CD247: variants seen among roughly 807,000 people sequenced by gnomAD.
The protein encoded by CD247 is T-cell surface glycoprotein CD3 zeta chain.
In CD247, 13 loss-of-function variants were observed where a neutral mutation model predicts 30.0. That is an observed-to-expected ratio of 0.43 (90% CI 0.28 to 0.69). The LOEUF (loss-of-function observed/expected upper bound fraction) is 0.69. Ranked by LOEUF, CD247 falls within the 30% of genes least tolerant of loss-of-function variation. CD247 has a pLI of 0.16. For missense variants in CD247, 193 were observed against 212.6 expected, an observed-to-expected ratio of 0.91 and a Z score of 0.57; for synonymous variants, 72 against 80.0, an observed-to-expected ratio of 0.90 and a Z score of 0.53.
chr1:167,434,415 C>A, intron 5 of CD247: 1 of 400,906 alleles, frequency 2.5e-6, no homozygotes, highest in Non-Finnish European at 4.7e-6. Context: ...GCCCCAGAAT[C>A]ATTTATCTGA....
intron 1 of CD247, among the ~76,000 whole-genome samples, chr1:167,505,932 T>C (rs1655094875): frequency 6.6e-6 from 1 of 152,180 alleles, no homozygotes; most frequent in Admixed American, 6.5e-5. Flanking sequence ...GCTCCAGAAG[T>C]GCCATTTACT....
chr1:167,486,069 G>A (rs756849004), intron 1 of CD247, among the ~76,000 whole-genome samples: 1 of 152,310 alleles, frequency 6.6e-6, no homozygotes, highest in Admixed American at 6.5e-5. Context: ...ACCATGCTCC[G>A]AGGGGCAGGT....
rs1008260228 is a variant in CD247, at chr1:167,439,592, C to A, written c.163-192G>T. ...AGCCCCTTTTTCTGAGCCCAGTTGT[C>A]CTTTTTCCTCCCGCCTGTGACACGT... is the stretch of plus-strand genomic sequence containing the variant. On this transcript the variant is annotated intron_variant, in intron 2 of 7. Coordinates refer to ENST00000362089, the MANE Select transcript of CD247 (RefSeq NM_198053.3). The A allele has an allele frequency of 2.0e-5, 12 of 603,824 alleles. No homozygotes were observed. The East Asian group carries it at 3.3e-4, about 17-fold the overall frequency. 37.4% of individuals were successfully genotyped at this position (603,824 alleles called of 1,614,324 possible).
At chr1:167,449,005 T>C (rs937363886) in intron 1 of CD247, among the ~76,000 whole-genome samples, 1 of 152,160 alleles carries the variant, frequency 6.6e-6, no homozygotes, top group Non-Finnish European at 1.5e-5. Flanking sequence ...TTCCCATAGA[T>C]AAGGGTTCCA....
intron 1 of CD247, among the ~76,000 whole-genome samples, chr1:167,518,001 A>G (rs1209148759): frequency 6.6e-6 from 1 of 152,182 alleles, no homozygotes; most frequent in African/African-American, 2.4e-5. Flanking sequence ...CAGAGGGTGA[A>G]AGAAGCTGAA....
chr1:167,460,697 G>A (rs192815384), intron 1 of CD247, among the ~76,000 whole-genome samples: 7 of 152,248 alleles, frequency 4.6e-5, no homozygotes, highest in South Asian at 2.1e-4. Context: ...CTATCAAGTC[G>A]TCATTTACAT....
chr1:167,498,942 C>T (rs967571371), intron 1 of CD247, among the ~76,000 whole-genome samples: 11 of 152,144 alleles, frequency 7.2e-5, no homozygotes, highest in Admixed American at 2.6e-4. Context: ...AAAAGCCATG[C>T]GCACACGGGG....
intron 1 of CD247, among the ~76,000 whole-genome samples, chr1:167,475,439 C>G (rs940348641): frequency 6.6e-6 from 1 of 151,940 alleles, no homozygotes; most frequent in Admixed American, 6.6e-5. Context: ...ATCAGGGTAA[C>G]CAAATAGTTA....
At chr1:167,437,405 CA>C (rs11457214) in intron 4 of CD247, among the ~76,000 whole-genome samples, 11 of 146,646 alleles carry the variant, frequency 7.5e-5, no homozygotes, top group Admixed American at 2.0e-4. Context: ...AACGCTGTCT[CA>C]AAAAAAAAAA....
intron 1 of CD247, among the ~76,000 whole-genome samples, chr1:167,469,765 A>G (rs1405664940): frequency 1.3e-5 from 2 of 152,048 alleles, no homozygotes; most frequent in African/African-American, 4.8e-5. Context: ...TTGGCCTCCT[A>G]TGGTCACTGG....
chr1:167,462,904 C>T (rs1454480836), intron 1 of CD247, among the ~76,000 whole-genome samples: 3 of 152,192 alleles, frequency 2.0e-5, no homozygotes, highest in Non-Finnish European at 4.4e-5. Context: ...TCCCTCCCAC[C>T]AGCCTTATTT....
chr1:167,495,695 T>C lies in CD247; in HGVS notation c.58+22713A>G, dbSNP rs193121051. ...CCAAACCCCCAGAACTCAATACGTC[T>C]GACCTCACCTCCTACTGGCCTTCCC... On this transcript the variant is annotated intron_variant, in intron 1 of 7. Transcript: ENST00000362089. Among the ~76,000 whole-genome samples the C allele has an allele frequency of 2.6e-3, 400 of 151,568 alleles. 2 individuals carry two copies. The highest frequency in any genetic ancestry group is 4.4e-3 in the Non-Finnish European group (300 of 68,026).
At chr1:167,439,247 AC>A in intron 3 of CD247, 96 bp downstream of exon 3, 1 of 1,121,534 alleles carries the variant, frequency 8.9e-7, no homozygotes, top group Non-Finnish European at 1.4e-6. Flanking sequence ...ATAGCTAGGG[AC>A]CAAACCTAAA....
chr1:167,510,507 C>A (rs530373213), intron 1 of CD247, among the ~76,000 whole-genome samples: 26 of 152,328 alleles, frequency 1.7e-4, no homozygotes, highest in African/African-American at 5.8e-4. Context: ...CTTCTCCCTG[C>A]AGCAGGCAGC....
intron 4 of CD247, among the ~76,000 whole-genome samples, chr1:167,436,871 C>G (rs1651565871): frequency 6.6e-6 from 1 of 152,100 alleles, no homozygotes; most frequent in Non-Finnish European, 1.5e-5. Context: ...CTTGAACACT[C>G]TTGGTGGGAA....
chr1:167,500,216 T>C (rs1484710242), intron 1 of CD247, among the ~76,000 whole-genome samples: 1 of 152,230 alleles, frequency 6.6e-6, no homozygotes, highest in East Asian at 1.9e-4. Context: ...ATGCTCAGGA[T>C]GATTAGGTGG....
At chr1:167,485,361 G>A (rs1654159967) in intron 1 of CD247, among the ~76,000 whole-genome samples, 1 of 152,176 alleles carries the variant, frequency 6.6e-6, no homozygotes, top group Non-Finnish European at 1.5e-5. Context: ...TTTGTTGAGT[G>A]AATGAATGAA....
chr1:167,438,550 G>C lies in CD247; in HGVS notation c.300+20C>G. On this transcript the variant is annotated intron_variant, in intron 4 of 7. Transcript: ENST00000362089. ...CCACCACACATGCAGGAACACACAG[G>C]AAGGTAGAGGAACCCCTACCGGCTT... The C allele has an allele frequency of 6.2e-7, 1 of 1,601,372 alleles. No homozygotes were observed. Among genetic ancestry groups the C allele is most frequent in the Non-Finnish European group, 8.6e-7 (1 of 1,168,368 alleles).
At chr1:167,437,990 T>C (rs1651626434) in intron 4 of CD247, among the ~76,000 whole-genome samples, 1 of 151,674 alleles carries the variant, frequency 6.6e-6, no homozygotes, top group South Asian at 2.1e-4. Context: ...TGTAGAACTA[T>C]AATTTGTCAA....
Sources: gnomAD v4.1 joint callset for allele counts (sites outside exome capture counted in the v4.1 genomes callset) on GRCh38, gnomAD v4.1.1 for gene constraint, MANE v1.5 for transcripts, NCBI Gene and HGNC (gene_info 2026-07-23, HGNC 2026-07-21) for gene names.